Variants in PTPRT observed in about 807,000 individuals in gnomAD.
PTPRT encodes protein tyrosine phosphatase receptor type T, also known as receptor-type tyrosine-protein phosphatase T.
In PTPRT, 56 loss-of-function variants were observed where a neutral mutation model predicts 176.8. The observed-to-expected ratio is 0.32, with a 90% CI of 0.26 to 0.40. PTPRT has a LOEUF of 0.40. Among genes scored for constraint, PTPRT ranks in the 10% least tolerant of loss-of-function variants. PTPRT has a pLI of 1.00. For missense variants in PTPRT, 1,540 were observed against 1,908.2 expected (o/e 0.81, Z 3.60); for synonymous variants, 783 against 739.0 (o/e 1.06, Z -0.96).
chr20:42,361,899 A>G (rs1280060251), intron 9 of PTPRT, among the ~76,000 whole-genome samples: 1 of 152,224 alleles, frequency 6.6e-6, no homozygotes, highest in Non-Finnish European at 1.5e-5. Context: ...AGTAGTAACT[A>G]GAACACCATT....
At chr20:42,634,399 T>C (rs1028589725) in intron 7 of PTPRT, among the ~76,000 whole-genome samples, 2 of 151,140 alleles carry the variant, frequency 1.3e-5, no homozygotes, top group African/African-American at 4.9e-5. Context: ...AGCTATAAGA[T>C]GAAAGCAGCC....
At position 42,620,055 on chromosome 20, in the gene PTPRT, TC is replaced by T. The variant is rs535981556; in HGVS notation, c.1153+57810del. Among the ~76,000 whole-genome samples, 22 of 149,434 alleles carry T rather than the reference TC, an allele frequency of 1.5e-4. 1 individual carries two copies. Among genetic ancestry groups the T allele is most frequent in the Non-Finnish European group, 2.7e-4 (18 of 67,588 alleles). ...TTTCCAGTTTTTCTGTTCTGTTTTT[TC>T]CCCATCTTTGTGGTTTTATCTACTT... On this transcript the variant is annotated intron_variant, in intron 7 of 30. Transcript: ENST00000373187.
At chr20:42,038,094 C>A in the PTPRT span, among the ~76,000 whole-genome samples, 32 of 152,154 alleles carry the variant, frequency 2.1e-4, no homozygotes, top group Non-Finnish European at 4.1e-4. Flanking sequence ...CTAAGCCCAC[C>A]TTTTTACACC....
intron 13 of PTPRT, among the ~76,000 whole-genome samples, chr20:42,276,508 T>C (rs2057033829): frequency 3.1e-4 from 3 of 9,830 alleles, no homozygotes; most frequent in African/African-American, 1.7e-3. Flanking sequence ...TATATATATA[T>C]ATATATATAT....
At chr20:43,028,485 T>C (rs1256043144) in intron 1 of PTPRT, among the ~76,000 whole-genome samples, 1 of 152,176 alleles carries the variant, frequency 6.6e-6, no homozygotes, top group Non-Finnish European at 1.5e-5. Context: ...TTACCCCTGG[T>C]TTATCCTCAT....
intron 6 of PTPRT, among the ~76,000 whole-genome samples, chr20:42,753,609 T>C (rs919862013): frequency 6.6e-6 from 1 of 152,070 alleles, no homozygotes; most frequent in East Asian, 1.9e-4. Context: ...GGGCTGCAGG[T>C]GAGTGGCTTC....
At chr20:43,162,242 AAT>A (rs2014718437) in intron 1 of PTPRT, among the ~76,000 whole-genome samples, 1 of 152,252 alleles carries the variant, frequency 6.6e-6, no homozygotes, top group Non-Finnish European at 1.5e-5. Flanking sequence ...TAATAACTTA[AAT>A]AACAGCAATG....
At chr20:42,151,501 T>C (rs900664954) in intron 17 of PTPRT, among the ~76,000 whole-genome samples, 2 of 152,346 alleles carry the variant, frequency 1.3e-5, no homozygotes, top group Non-Finnish European at 2.9e-5. Context: ...GGCTGCATAG[T>C]ATTCCATGGT....
intron 1 of PTPRT, among the ~76,000 whole-genome samples, chr20:42,905,744 AGGATGAGTTCATGTCCTTTGTAGGGTCAT>A (rs1340050343): frequency 6.6e-6 from 1 of 152,214 alleles, no homozygotes; most frequent in Non-Finnish European, 1.5e-5. Flanking sequence ...GCCATAAAAA[AGGATGAGTTCATGTCCTTTGTAGGGTCAT>A]GGATGAAGCT....
intron 1 of PTPRT, among the ~76,000 whole-genome samples, chr20:43,119,497 G>A (rs542879976): frequency 3.9e-5 from 6 of 152,280 alleles, no homozygotes; most frequent in Admixed American, 3.3e-4. Flanking sequence ...ATTCAAGGAA[G>A]AATCCTATGC....
intron 26 of PTPRT, among the ~76,000 whole-genome samples, chr20:42,099,049 C>A (rs557047985): frequency 6.6e-6 from 1 of 152,342 alleles, no homozygotes; most frequent in East Asian, 1.9e-4. Flanking sequence ...GGCACTGTGT[C>A]ATGTGAGTCA....
intron 1 of PTPRT, among the ~76,000 whole-genome samples, chr20:42,974,700 G>A (rs1982841445): frequency 6.6e-6 from 1 of 152,230 alleles, no homozygotes; most frequent in Non-Finnish European, 1.5e-5. Context: ...AGACAGAGAA[G>A]AGGAAAAATC....
At chr20:42,415,214 C>T (rs2059053906) in intron 9 of PTPRT, among the ~76,000 whole-genome samples, 1 of 152,192 alleles carries the variant, frequency 6.6e-6, no homozygotes, top group South Asian at 2.1e-4. Context: ...AAGGGTCTTG[C>T]TCTGTTGCTC....
At chr20:42,596,385 T>C (rs1215319208) in intron 7 of PTPRT, among the ~76,000 whole-genome samples, 4 of 152,240 alleles carry the variant, frequency 2.6e-5, no homozygotes. Context: ...TCTTCGTTTG[T>C]TCCTCTGAAC....
chr20:42,534,972 C>G (rs2072450764), intron 7 of PTPRT, among the ~76,000 whole-genome samples: 2 of 152,194 alleles, frequency 1.3e-5, no homozygotes, highest in South Asian at 4.1e-4. Flanking sequence ...CCCACTGACT[C>G]TTCCCACTCG....
chr20:42,100,822 A>C (rs546761971), intron 26 of PTPRT, among the ~76,000 whole-genome samples: 1 of 152,294 alleles, frequency 6.6e-6, no homozygotes, highest in East Asian at 1.9e-4. Context: ...ACCTCTAGCT[A>C]CTTGCTATGA....
At chr20:42,535,362 C>T (rs2145558653) in intron 7 of PTPRT, among the ~76,000 whole-genome samples, 1 of 152,276 alleles carries the variant, frequency 6.6e-6, no homozygotes. Context: ...CAAAGACTAT[C>T]TTATAGGGTC....
chr20:42,562,800 G>A (rs1335074255), intron 7 of PTPRT, among the ~76,000 whole-genome samples: 1 of 152,132 alleles, frequency 6.6e-6, no homozygotes, highest in Non-Finnish European at 1.5e-5. Context: ...CAGGGCTACA[G>A]GCCAGCCATC....
At chr20:42,325,803 T>C (rs989776457) in intron 11 of PTPRT, among the ~76,000 whole-genome samples, 1 of 152,216 alleles carries the variant, frequency 6.6e-6, no homozygotes, top group Non-Finnish European at 1.5e-5. Flanking sequence ...ATCTTTACAA[T>C]GTCTACAAGA....
Sources: allele counts gnomAD v4.1 joint callset (sites outside exome capture counted in the v4.1 genomes callset), GRCh38; gene constraint gnomAD v4.1.1; transcripts MANE v1.5; gene names NCBI Gene and HGNC (gene_info 2026-07-23, HGNC 2026-07-21).